The following NREP variants were observed in gnomAD, a reference collection of about 807,000 sequenced individuals.
NREP encodes neuronal regeneration related protein.
A neutral mutation model predicts 8.6 loss-of-function variants in NREP; 5 were observed. That is an observed-to-expected ratio of 0.58 (90% CI 0.30 to 1.22). NREP has a LOEUF of 1.22. Among genes scored for constraint, NREP ranks in the 50% most tolerant of loss-of-function variants. NREP has a pLI of 0.07. For missense variants in NREP, 86 were observed against 82.5 expected, an observed-to-expected ratio of 1.04 and a Z score of -0.17; for synonymous variants, 27 against 28.0, an observed-to-expected ratio of 0.96 and a Z score of 0.11.
At chr5:111,737,112 T>C (rs1157247027) in intron 2 of NREP, among the ~76,000 whole-genome samples, 4 of 152,190 alleles carry the variant, frequency 2.6e-5, no homozygotes, top group Non-Finnish European at 5.9e-5. Flanking sequence ...ACCTTACTTT[T>C]CCACATATTC....
At chr5:111,975,661 C>A (rs1389200143) in intron 1 of NREP, among the ~76,000 whole-genome samples, 1 of 152,120 alleles carries the variant, frequency 6.6e-6, no homozygotes, top group African/African-American at 2.4e-5. Context: ...ATACATATTA[C>A]ATAGAAAAAC....
intron 2 of NREP, chr5:111,969,649 G>A (rs1187222919): frequency 6.6e-6 from 1 of 152,176 alleles, no homozygotes; most frequent in Non-Finnish European, 1.5e-5. Context: ...TAAAATAAAA[G>A]AGGAGATAAA....
chr5:111,823,455 A>T (rs1344950533), intron 2 of NREP, among the ~76,000 whole-genome samples: 1 of 152,232 alleles, frequency 6.6e-6, no homozygotes, highest in East Asian at 1.9e-4. Context: ...CTTTAATTAA[A>T]GTACTCATAT....
At chr5:111,774,471 C>T (rs745383398) in intron 2 of NREP, among the ~76,000 whole-genome samples, 1 of 152,160 alleles carries the variant, frequency 6.6e-6, no homozygotes, top group Non-Finnish European at 1.5e-5. Flanking sequence ...GTTGTGCCCA[C>T]CTAATCACAC....
At chr5:111,916,993 C>T (rs1447565612) in intron 2 of NREP, among the ~76,000 whole-genome samples, 1 of 152,040 alleles carries the variant, frequency 6.6e-6, no homozygotes, top group East Asian at 1.9e-4. Flanking sequence ...GGAAGAGACC[C>T]AAATGGGCAC....
intron 2 of NREP, among the ~76,000 whole-genome samples, chr5:111,823,731 C>A (rs1341599371): frequency 6.6e-6 from 1 of 152,124 alleles, no homozygotes; most frequent in Non-Finnish European, 1.5e-5. Context: ...TCACTAAATT[C>A]TTATTGTTTT....
intron 2 of NREP, among the ~76,000 whole-genome samples, chr5:111,942,871 G>C (rs1471454435): frequency 6.6e-6 from 1 of 152,024 alleles, no homozygotes; most frequent in Non-Finnish European, 1.5e-5. Context: ...CCATTTCTCA[G>C]TTTCCTTGAC....
In NREP at chr5:111,817,862, A is replaced by G. The variant is rs140468926; in HGVS notation, c.136-82355T>C. Among the ~76,000 whole-genome samples the G allele has an allele frequency of 4.0e-3, 609 of 151,776 alleles. 3 individuals carry two copies. Among genetic ancestry groups the G allele is most frequent in the African/African-American group, 0.013 (557 of 41,404 alleles). ...CACTGATATATGTGTATGTATACAC[A>G]CACATATATTAGAATACAAAAAATA... is the stretch of plus-strand genomic sequence containing the variant. On this transcript the variant is annotated intron_variant, in intron 2 of 3. Coordinates refer to the NREP transcript ENST00000395634.
chr5:111,913,565 G>T (rs1223688213), intron 2 of NREP, among the ~76,000 whole-genome samples: 3 of 152,078 alleles, frequency 2.0e-5, no homozygotes, highest in Non-Finnish European at 4.4e-5. Flanking sequence ...AGTGACTGAA[G>T]AGTAAAATGA....
intron 2 of NREP, among the ~76,000 whole-genome samples, chr5:111,763,071 A>G (rs530213125): frequency 6.6e-6 from 1 of 152,318 alleles, no homozygotes; most frequent in African/African-American, 2.4e-5. Flanking sequence ...CCGATTTACA[A>G]TTGACCCTGT....
intron 2 of NREP, among the ~76,000 whole-genome samples, chr5:111,927,223 A>G (rs1309519594): frequency 2.6e-5 from 4 of 152,096 alleles, no homozygotes; most frequent in African/African-American, 9.7e-5. Flanking sequence ...TACCTACTCT[A>G]ACACAATAGC....
chr5:111,955,192 T>G (rs1203382776), intron 2 of NREP, among the ~76,000 whole-genome samples: 1 of 151,516 alleles, frequency 6.6e-6, no homozygotes. Context: ...GCTCTCAGAG[T>G]TTCCTTCTCT....
intron 2 of NREP, among the ~76,000 whole-genome samples, chr5:111,852,527 T>C (rs1753335417): frequency 6.6e-6 from 1 of 152,168 alleles, no homozygotes; most frequent in African/African-American, 2.4e-5. Flanking sequence ...TCTTGTCAAA[T>C]GAAGAGACAT....
chr5:111,813,878 T>C (rs543428969), intron 2 of NREP, among the ~76,000 whole-genome samples: 11 of 152,242 alleles, frequency 7.2e-5, no homozygotes, highest in South Asian at 2.1e-4. Flanking sequence ...TTTTGGTATA[T>C]ACTATATTCC....
intron 2 of NREP, among the ~76,000 whole-genome samples, chr5:111,805,340 C>T (rs2112908524): frequency 1.3e-5 from 2 of 152,260 alleles, no homozygotes; most frequent in South Asian, 4.1e-4. Flanking sequence ...GTTAAGACTA[C>T]AACAACCCAG....
chr5:111,966,765 TAAAAC>T (rs1002100806), intron 2 of NREP, among the ~76,000 whole-genome samples: 96 of 152,344 alleles, frequency 6.3e-4, no homozygotes, highest in African/African-American at 2.2e-3. Context: ...AAACAAGTAA[TAAAAC>T]TAACAAAACT....
chr5:111,851,251 C>A (rs1289045904), intron 2 of NREP, among the ~76,000 whole-genome samples: 1 of 152,090 alleles, frequency 6.6e-6, no homozygotes, highest in Non-Finnish European at 1.5e-5. Context: ...TTATTAAGAG[C>A]CTTCAATGTG....
chr5:111,835,675 G>T (rs1269910788), intron 2 of NREP, among the ~76,000 whole-genome samples: 3 of 152,090 alleles, frequency 2.0e-5, no homozygotes, highest in Non-Finnish European at 4.4e-5. Flanking sequence ...AACCTTAAAG[G>T]AAATAAAGAT....
chr5:111,863,410 C>A (rs907483713), intron 2 of NREP, among the ~76,000 whole-genome samples: 5 of 152,172 alleles, frequency 3.3e-5, no homozygotes, highest in Middle Eastern at 3.4e-3. Flanking sequence ...TAGTTGGATA[C>A]ACAGATTTGG....
Sources: gnomAD v4.1 joint callset for allele counts (sites outside exome capture counted in the v4.1 genomes callset) on GRCh38, gnomAD v4.1.1 for gene constraint, MANE v1.5 for transcripts, NCBI Gene and HGNC (gene_info 2026-07-23, HGNC 2026-07-21) for gene names.